Variants in SPATA13 observed in about 807,000 individuals in gnomAD.
SPATA13 encodes spermatogenesis-associated protein 13.
In SPATA13, 50 loss-of-function variants were observed where a neutral mutation model predicts 104.0. The observed-to-expected ratio is 0.48, with a 90% CI of 0.38 to 0.61. SPATA13 has a LOEUF of 0.61. SPATA13 is among the 20% of genes least tolerant of loss of function. SPATA13 has a pLI of 0.00. For synonymous variants in SPATA13, 606 were observed against 667.5 expected (o/e 0.91, Z 1.42); for missense variants, 1,524 against 1,690.6 (o/e 0.90, Z 1.73).
At chr13:24,195,371 C>T (rs1185885463) in intron 1 of SPATA13, among the ~76,000 whole-genome samples, 1 of 152,124 alleles carries the variant, frequency 6.6e-6, no homozygotes, top group East Asian at 1.9e-4. Context: ...GTATTTGGTT[C>T]GTTTCCCCCT....
chr13:24,145,614 G>A (rs1881904010), intron 3 of SPATA13, among the ~76,000 whole-genome samples: 1 of 152,236 alleles, frequency 6.6e-6, no homozygotes, highest in Non-Finnish European at 1.5e-5. Flanking sequence ...ACAAAGCAGG[G>A]ACTGGGGAAC....
chr13:24,277,375 C>T (rs982120006), intron 4 of SPATA13, among the ~76,000 whole-genome samples: 10 of 141,940 alleles, frequency 7.0e-5, no homozygotes, highest in African/African-American at 1.8e-4. Context: ...ACCTAGGAGG[C>T]GGAGCTTGCA....
At chr13:24,186,540 G>T (rs576782638) in intron 1 of SPATA13, among the ~76,000 whole-genome samples, 2 of 152,294 alleles carry the variant, frequency 1.3e-5, no homozygotes, top group South Asian at 2.1e-4. Context: ...TACGAGTCAA[G>T]ATTAAAGCTG....
At chr13:24,005,463 G>A (rs1407898794) in intron 2 of SPATA13, among the ~76,000 whole-genome samples, 3 of 152,116 alleles carry the variant, frequency 2.0e-5, no homozygotes, top group African/African-American at 4.8e-5. Flanking sequence ...ATTTAAGTAC[G>A]AGAAATGGAG....
rs1483865945 is a variant in SPATA13 at position 24,285,700 on chromosome 13, A to G, written c.2302-514A>G. On this transcript the variant is annotated intron_variant, in intron 5 of 12. Transcript: ENST00000382108. ...TCTGGCTTTTTTTTTTTTTTTTTTG[A>G]GACAGAGTTTTGCTCTTGTTCCCAG... is the stretch of plus-strand genomic sequence containing the variant. 4.0e-4 allele frequency among the ~76,000 whole-genome samples: 43 copies of G among 107,610 alleles called. 1 individual carries two copies. Among genetic ancestry groups the G allele is most frequent in the African/African-American group, 1.3e-3 (37 of 28,398 alleles). The allele number at this position is 107,610 out of a possible 152,430, so 70.6% of individuals were successfully genotyped here. A position where few individuals can be genotyped will look rare whatever the true frequency, so the allele number is the denominator to read the frequency against.
chr13:24,125,993 C>G (rs1215655254), intron 3 of SPATA13, among the ~76,000 whole-genome samples: 1 of 152,146 alleles, frequency 6.6e-6, no homozygotes, highest in African/African-American at 2.4e-5. Context: ...GGCTTGGGCC[C>G]TGTGGTTCTT....
At chr13:24,284,064 AT>A in intron 4 of SPATA13, 70 bp from the exon 5 acceptor site, 1 of 1,534,014 alleles carries the variant, frequency 6.5e-7, no homozygotes. Flanking sequence ...ATGTTACCAA[AT>A]TTTTTCATCA....
chr13:24,304,917 T>G lies in SPATA13; in HGVS notation c.*2144T>G, dbSNP rs937712452. On this transcript the variant is annotated 3_prime_UTR_variant, in exon 13 of 13. Transcript: ENST00000382108. ...GATGTGTTTATAGAACTGACCTTTT[T>G]ACTAACAAAATACAATGATATATGT... The G allele has an allele frequency of 6.6e-6, 1 of 152,268 alleles. No individual in the cohort carries two copies. The highest frequency in any genetic ancestry group is 2.4e-5 in the African/African-American group (1 of 41,468). The allele number at this position is 152,268 out of a possible 1,614,324, so 9.4% of individuals were successfully genotyped here. A position where few individuals can be genotyped will look rare whatever the true frequency, so the allele number is the denominator to read the frequency against.
intron 4 of SPATA13, among the ~76,000 whole-genome samples, chr13:24,280,190 A>G (rs968631775): frequency 6.6e-6 from 1 of 152,094 alleles, no homozygotes; most frequent in African/African-American, 2.4e-5. Context: ...CTGTTTTGCT[A>G]AGTGTTTATG....
chr13:24,249,644 G>T lies in SPATA13; in HGVS notation c.1821G>T (p.Ser607=), dbSNP rs774039936. ...ASRSLSIPED[S]VAADPQKEDR... ...GCAGTTTGTCTATTCCTGAAGACTC[G>T]GTTGCTGCAGACCCCCAGAAGGAAG... The change falls in exon 3 of 13, where the codon TCG becomes TCT. Residue 607 remains serine, a synonymous_variant. Coordinates refer to ENST00000382108, the MANE Select transcript of SPATA13 (RefSeq NM_001166271.3). The T allele has an allele frequency of 6.2e-7, 1 of 1,613,510 alleles. No individual in the cohort carries two copies. Among genetic ancestry groups the T allele is most frequent in the Non-Finnish European group, 8.5e-7 (1 of 1,179,780 alleles).
chr13:24,079,817 C>T (rs1879450318), intron 3 of SPATA13, among the ~76,000 whole-genome samples: 1 of 152,114 alleles, frequency 6.6e-6, no homozygotes. Flanking sequence ...TTACATCTCC[C>T]CATTTCGCCT....
intron 3 of SPATA13, among the ~76,000 whole-genome samples, chr13:24,094,598 G>A (rs1880011792): frequency 1.3e-5 from 2 of 152,188 alleles, no homozygotes; most frequent in South Asian, 2.1e-4. Context: ...AAATTTAAAA[G>A]CCTAATTGAA....
intron 1 of SPATA13, among the ~76,000 whole-genome samples, chr13:24,173,973 C>T (rs1593381292): frequency 6.6e-6 from 1 of 152,280 alleles, no homozygotes; most frequent in East Asian, 1.9e-4. Flanking sequence ...GAAATATCAC[C>T]TTCATAAAAT....
intron 4 of SPATA13, among the ~76,000 whole-genome samples, chr13:24,271,175 G>A (rs904569867): frequency 1.3e-5 from 2 of 151,976 alleles, no homozygotes; most frequent in Admixed American, 6.6e-5. Context: ...GAAGAAATTG[G>A]TTTTGTTTAT....
At chr13:24,126,581 G>C (rs1374636142) in intron 3 of SPATA13, among the ~76,000 whole-genome samples, 2 of 152,188 alleles carry the variant, frequency 1.3e-5, no homozygotes, top group African/African-American at 4.8e-5. Context: ...GCGCAGGACA[G>C]AGACAGGTTC....
At chr13:24,130,703 A>C (rs1257426002) in intron 3 of SPATA13, among the ~76,000 whole-genome samples, 1 of 152,212 alleles carries the variant, frequency 6.6e-6, no homozygotes, top group Admixed American at 6.5e-5. Context: ...GTTTAGAAAG[A>C]GCACAGACCA....
At chr13:24,010,466 T>C (rs1394716494) in intron 2 of SPATA13, among the ~76,000 whole-genome samples, 3 of 151,848 alleles carry the variant, frequency 2.0e-5, no homozygotes, top group Non-Finnish European at 4.4e-5. Context: ...AGCTTTTTTT[T>C]TTTTTTTTCA....
In SPATA13 at chr13:24,011,444, G is replaced by C. The variant is rs186748687; in HGVS notation, c.-146-6223G>C. On this transcript the variant is annotated intron_variant, in intron 2 of 14. Coordinates refer to the SPATA13 transcript ENST00000424834. This position sits in a 1 kb window ranked among gnomAD's most constrained non-coding sequence, Gnocchi z 4.3. Reference sequence around the variant, plus strand: ...GCTGCCCTCCCCTGGAGAATGTGGCGACCCAGCAGCAGGTGGTTGAGAGTG... The same window carrying C: ...GCTGCCCTCCCCTGGAGAATGTGGCCACCCAGCAGCAGGTGGTTGAGAGTG... Among the ~76,000 whole-genome samples the C allele has an allele frequency of 2.0e-5, 3 of 152,306 alleles. No homozygotes were observed. The highest frequency in any genetic ancestry group is 1.3e-4 in the Admixed American group (2 of 15,300).
intron 2 of SPATA13, among the ~76,000 whole-genome samples, chr13:24,230,501 C>T (rs1278430213): frequency 6.6e-6 from 1 of 152,116 alleles, no homozygotes; most frequent in East Asian, 1.9e-4. Flanking sequence ...TCCAGGCTGG[C>T]GGGAAGAGTG....
Sources: gnomAD v4.1 joint callset for allele counts (sites outside exome capture counted in the v4.1 genomes callset) on GRCh38, gnomAD v4.1.1 for gene constraint, Gnocchi (gnomAD v3.1) non-coding constraint, MANE v1.5 for transcripts, NCBI Gene and HGNC (gene_info 2026-07-23, HGNC 2026-07-21) for gene names.